Variants in ADAMTS16 observed in about 807,000 individuals in gnomAD.
The protein encoded by ADAMTS16 is A disintegrin and metalloproteinase with thrombospondin motifs 16.
ADAMTS16 carries 94 observed loss-of-function variants against 145.8 expected under a neutral mutation model. The ratio of observed to expected loss-of-function variants is 0.64; its 90% CI spans 0.55 to 0.77. The LOEUF (loss-of-function observed/expected upper bound fraction) is 0.77. ADAMTS16 is among the 30% of genes least tolerant of loss of function. ADAMTS16 has a pLI of 0.00. For synonymous variants in ADAMTS16, 659 were observed against 604.3 expected (o/e 1.09, Z -1.33); for missense variants, 1,585 against 1,591.5 (o/e 1.00, Z 0.07).
intron 3 of ADAMTS16, among the ~76,000 whole-genome samples, chr5:5,161,015 T>G (rs1182962068): frequency 2.0e-5 from 3 of 152,218 alleles, no homozygotes; most frequent in Non-Finnish European, 4.4e-5. Context: ...TAAAAGCCCA[T>G]ACCTTAGTAA....
intron 10 of ADAMTS16, among the ~76,000 whole-genome samples, chr5:5,218,423 T>C (rs1281347629): frequency 6.6e-6 from 1 of 152,124 alleles, no homozygotes; most frequent in East Asian, 1.9e-4. Context: ...GTACAGAGAC[T>C]GTGGGGAGCA....
intron 11 of ADAMTS16, among the ~76,000 whole-genome samples, chr5:5,224,740 T>C (rs1355517193): frequency 6.6e-6 from 1 of 152,198 alleles, no homozygotes; most frequent in Non-Finnish European, 1.5e-5. Flanking sequence ...ATTATTCAGG[T>C]GATCATTTGC....
At chr5:5,267,661 G>C (rs753823870) in intron 18 of ADAMTS16, among the ~76,000 whole-genome samples, 3 of 152,164 alleles carry the variant, frequency 2.0e-5, no homozygotes, top group Non-Finnish European at 4.4e-5. Flanking sequence ...TCGACGTCCA[G>C]CTGCTTGTCT....
intron 4 of ADAMTS16, 133 bp downstream of exon 4, chr5:5,182,438 G>A: frequency 8.5e-7 from 1 of 1,181,654 alleles, no homozygotes; most frequent in Non-Finnish European, 1.2e-6. Flanking sequence ...CTAAACTGAA[G>A]CAATGATTCC....
chr5:5,211,879 C>A (rs1736278613), intron 10 of ADAMTS16, among the ~76,000 whole-genome samples: 2 of 152,064 alleles, frequency 1.3e-5, no homozygotes, highest in East Asian at 1.9e-4. Context: ...GTTTTGATTT[C>A]TAATTTCATA....
At chr5:5,314,977 G>A (rs141025818) in intron 21 of ADAMTS16, among the ~76,000 whole-genome samples, 2,571 of 152,302 alleles carry the variant, frequency 0.017, 44 homozygotes, top group African/African-American at 0.042. Context: ...GGAGGTGGGC[G>A]ATTGTATTAG....
At chr5:5,247,990 C>G (rs867122900) in intron 17 of ADAMTS16, among the ~76,000 whole-genome samples, 1 of 152,348 alleles carries the variant, frequency 6.6e-6, no homozygotes, top group African/African-American at 2.4e-5. Context: ...GCTATCTTCC[C>G]TCTTCCGAGT....
At chr5:5,185,857 G>A (rs1735481013) in intron 4 of ADAMTS16, among the ~76,000 whole-genome samples, 195 bp from the exon 5 acceptor site, 1 of 152,200 alleles carries the variant, frequency 6.6e-6, no homozygotes, top group Non-Finnish European at 1.5e-5. Context: ...TTTCCATGAT[G>A]CCTAGACTAC....
Position 5,239,793 on chromosome 5 carries a change from G to A in ADAMTS16, c.2391G>A (p.Leu797=). 1.2e-6 allele frequency: 2 copies of A among 1,614,142 alleles called. No homozygotes were observed. The highest frequency in any genetic ancestry group is 1.7e-6 in the Non-Finnish European group (2 of 1,180,040). ...GCAATGCCCTCAGAAGGTACTACCTGAATGGGCACTGGACCGTGGACTGGC... is the reference window on the plus strand; with the variant it reads ...GCAATGCCCTCAGAAGGTACTACCTAAATGGGCACTGGACCGTGGACTGGC... ...SVRNALRRYY[L]NGHWTVDWPG... is the part of the protein sequence containing the mutation. Residue 797 remains leucine, a synonymous_variant, in exon 16 of 23, where the codon CTG becomes CTA. Coordinates refer to ENST00000274181, the MANE Select transcript of ADAMTS16 (RefSeq NM_139056.4).
intron 10 of ADAMTS16, among the ~76,000 whole-genome samples, chr5:5,215,731 GGTATATATATAT>G (rs890879458): frequency 7.0e-6 from 1 of 142,952 alleles, no homozygotes; most frequent in Non-Finnish European, 1.5e-5. Flanking sequence ...ATATATATGT[GGTATATATATAT>G]ATGTGGTGTA....
chr5:5,186,844 G>A (rs1735515975), intron 5 of ADAMTS16, among the ~76,000 whole-genome samples: 1 of 152,084 alleles, frequency 6.6e-6, no homozygotes. Context: ...CAAAATATTG[G>A]GTTGCCAAAG....
chr5:5,244,828 G>T (rs576911298), intron 17 of ADAMTS16, among the ~76,000 whole-genome samples: 3 of 152,182 alleles, frequency 2.0e-5, no homozygotes, highest in African/African-American at 4.8e-5. Context: ...ATGAGGAGAC[G>T]ACCTTACACG....
Position 5,178,831 on chromosome 5 carries a change from C to T in ADAMTS16, c.502-3213C>T, listed in dbSNP as rs76894112. 2.2e-3 allele frequency among the ~76,000 whole-genome samples: 330 copies of T among 152,024 alleles called. 1 individual carries two copies. Among genetic ancestry groups the T allele is most frequent in the African/African-American group, 7.6e-3 (315 of 41,450 alleles). ...TGAAACAGCTGTGTTGGATCACAAG[C>T]GTGTAGGCCAGGAACCAGAAAGAGT... On this transcript the variant is annotated intron_variant, in intron 3 of 22. Coordinates refer to ENST00000274181, the MANE Select transcript of ADAMTS16 (RefSeq NM_139056.4).
At chr5:5,225,231 AG>A (rs139692250) in intron 11 of ADAMTS16, among the ~76,000 whole-genome samples, 29,242 of 151,478 alleles carry the variant, frequency 0.19, 3,288 homozygotes, top group East Asian at 0.5. Flanking sequence ...GTGCTCTGGG[AG>A]GGGGCGGGAC....
In ADAMTS16 at chr5:5,269,551, G is replaced by T. The variant is rs1011170238; in HGVS notation, c.2789+6768G>T. Among the ~76,000 whole-genome samples, 1 of 152,108 alleles carries T rather than the reference G, an allele frequency of 6.6e-6. No individual in the cohort carries two copies. Among genetic ancestry groups the T allele is most frequent in the African/African-American group, 2.4e-5 (1 of 41,418 alleles). On this transcript the variant is annotated intron_variant, in intron 18 of 22. Coordinates refer to ENST00000274181, the MANE Select transcript of ADAMTS16 (RefSeq NM_139056.4). The surrounding 1 kb of genome is among the most constrained non-coding windows in gnomAD (Gnocchi z 4.3). ...ACTAAAGAGAAGGAAGCAATGACCA[G>T]CCCTTCCTCTTGCCAGAATCTCCCT...
intron 21 of ADAMTS16, among the ~76,000 whole-genome samples, chr5:5,314,644 A>G (rs545461961): frequency 2.6e-5 from 4 of 152,360 alleles, no homozygotes; most frequent in African/African-American, 9.6e-5. Flanking sequence ...TTCATCTTAC[A>G]TAAAGAAATG....
chr5:5,261,289 C>T (rs551003875), intron 17 of ADAMTS16, among the ~76,000 whole-genome samples: 2 of 152,018 alleles, frequency 1.3e-5, no homozygotes, highest in South Asian at 4.2e-4. Flanking sequence ...AGGTGCATGC[C>T]GCCATGCCTG....
At chr5:5,279,985 A>T (rs2964387) in intron 18 of ADAMTS16, among the ~76,000 whole-genome samples, 19 of 145,236 alleles carry the variant, frequency 1.3e-4, no homozygotes, top group African/African-American at 3.2e-4. Context: ...TTTTTCTTTC[A>T]TTTTGTTCTT....
rs1373812591 is a variant in ADAMTS16 at position 5,310,135 on chromosome 5, C to T, written c.3411+3407C>T. On this transcript the variant is annotated intron_variant, in intron 21 of 22. Transcript: ENST00000274181. This position sits in a 1 kb window ranked among gnomAD's most constrained non-coding sequence, Gnocchi z 4.3. ...AGGTGTGAACAAAGGAGGCTGAGCT[C>T]AGCAGCCAAGCATCCCCCAAATGCT... Among the ~76,000 whole-genome samples the T allele has an allele frequency of 6.6e-6, 1 of 152,104 alleles. No homozygotes were observed. The highest frequency in any genetic ancestry group is 1.5e-5 in the Non-Finnish European group (1 of 68,028).
Sources: allele counts gnomAD v4.1 joint callset (sites outside exome capture counted in the v4.1 genomes callset), GRCh38; gene constraint gnomAD v4.1.1; non-coding constraint Gnocchi (gnomAD v3.1); transcripts MANE v1.5; gene names NCBI Gene and HGNC (gene_info 2026-07-23, HGNC 2026-07-21).